Variants in TRIM44 observed in about 807,000 individuals in gnomAD.
The protein encoded by TRIM44 is tripartite motif-containing protein 44.
Under a neutral mutation model 37.4 loss-of-function variants are expected in TRIM44, and 13 were observed. The observed-to-expected ratio is 0.35, with a 90% CI of 0.23 to 0.55. TRIM44 has a LOEUF of 0.55. Among genes scored for constraint, TRIM44 ranks in the 20% least tolerant of loss-of-function variants. The pLI is 0.89. For missense variants in TRIM44, 426 were observed against 437.2 expected, an observed-to-expected ratio of 0.97 and a Z score of 0.23; for synonymous variants, 175 against 157.2, an observed-to-expected ratio of 1.11 and a Z score of -0.85.
chr11:35,664,965 T>A (rs1474648453), intron 1 of TRIM44, among the ~76,000 whole-genome samples: 1 of 152,248 alleles, frequency 6.6e-6, no homozygotes, highest in Admixed American at 6.5e-5. Flanking sequence ...AACTTGACAC[T>A]ATGGGTGTCA....
At chr11:35,693,259 A>C (rs1851659094) in intron 2 of TRIM44, among the ~76,000 whole-genome samples, 1 of 152,148 alleles carries the variant, frequency 6.6e-6, no homozygotes. Flanking sequence ...AGAAGTACGG[A>C]GTCCTTCTCA....
chr11:35,663,429 G>T lies in TRIM44; in HGVS notation c.318G>T (p.Glu106Asp). Residue 106 changes from glutamate (E) to aspartate (D), a missense_variant, in exon 1 of 5, where the codon GAG (glutamate) becomes GAT (aspartate). Physicochemically the swap from Glu to Asp is conservative, Grantham distance 45. Around this residue, in one of 2 missense-constraint regions of TRIM44, gnomAD observed 331 missense variants for 303.0 expected, o/e 1.09. Coordinates refer to ENST00000299413, the MANE Select transcript of TRIM44 (RefSeq NM_017583.6). ...GEESESEEES[E>D]SEEESETEEE... ...AGAGTGAGTCGGAGGAAGAGAGCGA[G>T]TCAGAGGAAGAGAGCGAGACAGAGG... is the stretch of plus-strand genomic sequence containing the variant. 1 of 1,568,686 alleles carries T rather than the reference G, an allele frequency of 6.4e-7. No homozygotes were observed. Among genetic ancestry groups the T allele is most frequent in the Non-Finnish European group, 8.7e-7 (1 of 1,154,810 alleles).
chr11:35,686,530 C>G (rs1851584346), intron 2 of TRIM44, among the ~76,000 whole-genome samples: 1 of 151,790 alleles, frequency 6.6e-6, no homozygotes, highest in South Asian at 2.1e-4. Context: ...AGTACATTCA[C>G]TTTGGTTTTT....
intron 4 of TRIM44, among the ~76,000 whole-genome samples, chr11:35,748,808 T>G (rs1045952939): frequency 5.3e-5 from 8 of 152,210 alleles, no homozygotes; most frequent in Non-Finnish European, 7.3e-5. Flanking sequence ...CAAGCCCTGA[T>G]CAGGTGAATA....
intron 2 of TRIM44, among the ~76,000 whole-genome samples, chr11:35,701,996 G>A (rs917881979): frequency 1.3e-5 from 2 of 152,122 alleles, no homozygotes; most frequent in Non-Finnish European, 2.9e-5. Flanking sequence ...GTATCATAAA[G>A]GAAAATCATC....
intron 4 of TRIM44, among the ~76,000 whole-genome samples, chr11:35,740,706 C>T (rs1852386511): frequency 6.6e-6 from 1 of 152,266 alleles, no homozygotes; most frequent in Non-Finnish European, 1.5e-5. Context: ...TTGGGCAAGT[C>T]ATTTAACATC....
intron 4 of TRIM44, among the ~76,000 whole-genome samples, chr11:35,742,809 ATAAT>A (rs1387638484): frequency 1.4e-5 from 2 of 143,062 alleles, no homozygotes; most frequent in African/African-American, 2.6e-5. Context: ...TATATTAAAT[ATAAT>A]TATAATATTA....
At chr11:35,707,000 A>G (rs1413472149) in intron 2 of TRIM44, among the ~76,000 whole-genome samples, 1 of 152,220 alleles carries the variant, frequency 6.6e-6, no homozygotes, top group African/African-American at 2.4e-5. Flanking sequence ...ACATGATTGT[A>G]TATCTAGAAA....
Position 35,812,977 on chromosome 11 carries a change from AAGTC to A in TRIM44, c.*6595_*6598del, listed in dbSNP as rs773604419. On this transcript the variant is annotated 3_prime_UTR_variant, in exon 5 of 5. Coordinates refer to ENST00000299413, the MANE Select transcript of TRIM44 (RefSeq NM_017583.6). ...TTTTGCTATAGCGTTAGAATCCTGA[AAGTC>A]AGCCAGCTCTGACACTGAGTCTGTG... is the stretch of plus-strand genomic sequence containing the variant. The A allele has an allele frequency of 6.6e-6, 1 of 152,096 alleles. No individual in the cohort carries two copies. The highest frequency in any genetic ancestry group is 1.5e-5 in the Non-Finnish European group (1 of 68,036). 9.4% of individuals were successfully genotyped at this position (152,096 alleles called of 1,614,324 possible). A position where few individuals can be genotyped will look rare whatever the true frequency, so the allele number is the denominator to read the frequency against.
intron 2 of TRIM44, among the ~76,000 whole-genome samples, chr11:35,688,100 T>G (rs1438470562): frequency 6.6e-6 from 1 of 152,234 alleles, no homozygotes; most frequent in African/African-American, 2.4e-5. Context: ...CTGTTCTGTT[T>G]TCCCACAGAG....
At chr11:35,684,126 T>C (rs2135490154) in intron 1 of TRIM44, among the ~76,000 whole-genome samples, 1 of 152,262 alleles carries the variant, frequency 6.6e-6, no homozygotes, top group South Asian at 2.1e-4. Flanking sequence ...GCACTAGGGC[T>C]CTAGTCTGTG....
At chr11:35,804,545 A>G (rs536728956) in intron 4 of TRIM44, among the ~76,000 whole-genome samples, 1 of 152,348 alleles carries the variant, frequency 6.6e-6, no homozygotes, top group South Asian at 2.1e-4. Flanking sequence ...TGCTGCCCTC[A>G]TATTTGAAAT....
chr11:35,767,592 GA>G (rs986808152), intron 4 of TRIM44, among the ~76,000 whole-genome samples: 2 of 151,826 alleles, frequency 1.3e-5, no homozygotes, highest in African/African-American at 2.4e-5. Context: ...TTCTCTGTGG[GA>G]AAAAAAGTTG....
At chr11:35,748,552 G>A (rs1474385165) in intron 4 of TRIM44, among the ~76,000 whole-genome samples, 1 of 152,186 alleles carries the variant, frequency 6.6e-6, no homozygotes, top group African/African-American at 2.4e-5. Context: ...TTAATGTACT[G>A]AATCTTATCC....
chr11:35,742,917 A>G (rs1564992373), intron 4 of TRIM44, among the ~76,000 whole-genome samples: 2 of 151,156 alleles, frequency 1.3e-5, no homozygotes, highest in East Asian at 3.9e-4. Flanking sequence ...GAGGTCACAC[A>G]GCTAAAAAGT....
intron 4 of TRIM44, among the ~76,000 whole-genome samples, chr11:35,776,649 G>T (rs990761368): frequency 1.3e-5 from 2 of 152,140 alleles, no homozygotes; most frequent in Non-Finnish European, 2.9e-5. Context: ...AGAGATTCTG[G>T]TATGTTGTGT....
At position 35,807,645 on chromosome 11, in the gene TRIM44, A is replaced by G. The variant is rs546642077; in HGVS notation, c.*1260A>G. On this transcript the variant is annotated 3_prime_UTR_variant, in exon 5 of 5. Transcript: ENST00000299413. ...TTGAAGCATCAGTTTTACTTACCAA[A>G]TGGTTTAGAGTCATAAGATGACCTA... The G allele has an allele frequency of 1.8e-4, 28 of 152,354 alleles. No individual in the cohort carries two copies. The highest frequency in any genetic ancestry group is 6.3e-4 in the African/African-American group (26 of 41,590). The allele number at this position is 152,354 out of a possible 1,614,324, so 9.4% of individuals were successfully genotyped here. A position where few individuals can be genotyped will look rare whatever the true frequency, so the allele number is the denominator to read the frequency against.
At chr11:35,721,772 G>A (rs1332023013) in intron 2 of TRIM44, among the ~76,000 whole-genome samples, 1 of 152,204 alleles carries the variant, frequency 6.6e-6, no homozygotes, top group Non-Finnish European at 1.5e-5. Context: ...CAGAGTTTAT[G>A]TCTACCGTGT....
At chr11:35,705,139 C>A (rs1851861066) in intron 2 of TRIM44, among the ~76,000 whole-genome samples, 1 of 148,292 alleles carries the variant, frequency 6.7e-6, no homozygotes, top group Non-Finnish European at 1.5e-5. Flanking sequence ...AGACTTTAAA[C>A]CAACAAAGAT....
Sources: gnomAD v4.1 joint callset for allele counts (sites outside exome capture counted in the v4.1 genomes callset) on GRCh38, gnomAD v4.1.1 for gene constraint, gnomAD v4.1.1 regional missense constraint, MANE v1.5 for transcripts, NCBI Gene and HGNC (gene_info 2026-07-23, HGNC 2026-07-21) for gene names.